Variants in AKAP6 observed in about 807,000 individuals in gnomAD.
AKAP6 encodes the protein A-kinase anchor protein 6.
Under a neutral mutation model 188.5 loss-of-function variants are expected in AKAP6, and 58 were observed. The observed-to-expected ratio is 0.31, with a 90% CI of 0.25 to 0.38. The LOEUF (loss-of-function observed/expected upper bound fraction) is 0.38. Among genes scored for constraint, AKAP6 ranks in the 10% least tolerant of loss-of-function variants. The pLI is 1.00. For missense variants in AKAP6, 2,710 were observed against 2,740.0 expected, an observed-to-expected ratio of 0.99 and a Z score of 0.24; for synonymous variants, 989 against 998.6, an observed-to-expected ratio of 0.99 and a Z score of 0.18.
At chr14:32,651,206 C>T (rs900375161) in intron 7 of AKAP6, among the ~76,000 whole-genome samples, 1 of 152,120 alleles carries the variant, frequency 6.6e-6, no homozygotes, top group African/African-American at 2.4e-5. Context: ...ATAAACTATG[C>T]AACGTCTGCC....
At chr14:32,476,344 G>A (rs1240322430) in intron 2 of AKAP6, among the ~76,000 whole-genome samples, 1 of 152,142 alleles carries the variant, frequency 6.6e-6, no homozygotes, top group African/African-American at 2.4e-5. Flanking sequence ...CTTCCTTACT[G>A]AGTTGAGAGG....
chr14:32,804,873 C>G (rs1348240819), intron 12 of AKAP6, among the ~76,000 whole-genome samples: 1 of 152,120 alleles, frequency 6.6e-6, no homozygotes, highest in African/African-American at 2.4e-5. Context: ...GATATCTTCC[C>G]TACTTGCACG....
At chr14:32,453,761 T>A (rs1302572387) in intron 2 of AKAP6, among the ~76,000 whole-genome samples, 9 of 149,492 alleles carry the variant, frequency 6.0e-5, no homozygotes, top group Non-Finnish European at 1.5e-5. Flanking sequence ...TGCGCCCGGC[T>A]AATTTTTTTG....
rs1473562656 is a variant in AKAP6 at position 32,546,113 on chromosome 14, A to C, written c.1460A>C (p.Asp487Ala). The C allele has an allele frequency of 1.2e-6, 2 of 1,614,012 alleles. No homozygotes were observed. Among genetic ancestry groups the C allele is most frequent in the African/African-American group, 2.7e-5 (2 of 74,916 alleles). The change falls in exon 4 of 14, where the codon GAC becomes GCC. Residue 487 changes from aspartate to alanine, a missense_variant. Asp to Ala is a moderately radical substitution (Grantham distance 126). Around this residue, in one of 2 missense-constraint regions of AKAP6, gnomAD observed 2,473 missense variants for 2,426.1 expected, o/e 1.02. Transcript: ENST00000280979. ...EISSSLGRLN[D>A]CYKEKSRLKK... ...TCTTCCAGCCTGGGAAGGCTTAACG[A>C]CTGCTATAAAGAGAAATCTCGACTT...
chr14:32,441,420 A>G (rs1324281253), intron 2 of AKAP6, among the ~76,000 whole-genome samples: 1 of 152,194 alleles, frequency 6.6e-6, no homozygotes, highest in East Asian at 1.9e-4. Flanking sequence ...ATTATGTGGG[A>G]AAAAGTCTAT....
At chr14:32,766,368 A>C (rs1021173797) in intron 11 of AKAP6, among the ~76,000 whole-genome samples, 10 of 152,234 alleles carry the variant, frequency 6.6e-5, no homozygotes, top group Non-Finnish European at 1.3e-4. Context: ...TCTTGGGTAT[A>C]TATTCAAAAG....
chr14:32,348,467 T>C (rs1594526248), intron 1 of AKAP6, among the ~76,000 whole-genome samples: 1 of 145,124 alleles, frequency 6.9e-6, no homozygotes, highest in Admixed American at 7.2e-5. Flanking sequence ...CAGGCTAAAG[T>C]GCAATGACAC....
intron 11 of AKAP6, among the ~76,000 whole-genome samples, chr14:32,771,267 C>T (rs1331264148): frequency 2.7e-5 from 4 of 149,190 alleles, no homozygotes; most frequent in East Asian, 2.0e-4. Context: ...TTAAAAGTAG[C>T]ATTATTTCCC....
At chr14:32,800,512 G>C (rs945497273) in intron 12 of AKAP6, among the ~76,000 whole-genome samples, 1 of 152,024 alleles carries the variant, frequency 6.6e-6, no homozygotes, top group African/African-American at 2.4e-5. Context: ...ATTGCTTTGT[G>C]CATACATGTT....
intron 7 of AKAP6, 90 bp downstream of exon 7, chr14:32,600,882 T>A: frequency 7.9e-7 from 1 of 1,260,896 alleles, no homozygotes. Context: ...ACCCTAAGGC[T>A]TTTTGTTTCT....
Position 32,467,728 on chromosome 14 carries a change from A to T in AKAP6, c.324+33911A>T, listed in dbSNP as rs116584540. ...CCCTGTCCTCTGATCTTCAGTGTGG[A>T]AGAGGTCAGAATCCCAAGAAGTTGG... On this transcript the variant is annotated intron_variant, in intron 2 of 13. Coordinates refer to ENST00000280979, the MANE Select transcript of AKAP6 (RefSeq NM_004274.5). Among the ~76,000 whole-genome samples, 416 of 152,116 alleles carry T rather than the reference A, an allele frequency of 2.7e-3. 5 individuals are homozygous for T. The highest frequency in any genetic ancestry group is 9.1e-3 in the African/African-American group (376 of 41,496).
chr14:32,363,418 T>C (rs1379199444), intron 1 of AKAP6, among the ~76,000 whole-genome samples: 2 of 152,204 alleles, frequency 1.3e-5, no homozygotes, highest in East Asian at 1.9e-4. Flanking sequence ...CACAATAGGC[T>C]GTCTGCAAGC....
At position 32,583,437 on chromosome 14, in the gene AKAP6, G is replaced by A. The variant is rs578246518; in HGVS notation, c.2469+6195G>A. On this transcript the variant is annotated intron_variant, in intron 5 of 13. Coordinates refer to ENST00000280979, the MANE Select transcript of AKAP6 (RefSeq NM_004274.5). Reference sequence around the variant, plus strand: ...TCCCAGTTAGGCTGCTCGGGGGTCAGGGGTCAGGGACCCATTTGAGGAGGC... The same window carrying A: ...TCCCAGTTAGGCTGCTCGGGGGTCAAGGGTCAGGGACCCATTTGAGGAGGC... Among the ~76,000 whole-genome samples, 580 of 152,334 alleles carry A rather than the reference G, an allele frequency of 3.8e-3. 5 individuals are homozygous for A. Among genetic ancestry groups the A allele is most frequent in the African/African-American group, 0.013 (555 of 41,576 alleles).
At position 32,773,849 on chromosome 14, in the gene AKAP6, G is replaced by C; in HGVS notation, c.3544G>C (p.Val1182Leu). ...RRWEAIVMQA[V>L]QWQTRLQKKM... ...GTGGGAAGCCATTGTCATGCAAGCC[G>C]TCCAGTGGCAAACACGTCTACAAAA... Residue 1182 changes from valine (V) to leucine (L), a missense_variant, in exon 12 of 14, where the codon GTC becomes CTC. By Grantham distance (32) the Val-to-Leu change is conservative (BLOSUM62 1). Coordinates refer to ENST00000280979, the MANE Select transcript of AKAP6 (RefSeq NM_004274.5). The C allele has an allele frequency of 6.2e-7, 1 of 1,614,086 alleles. No homozygotes were observed. The highest frequency in any genetic ancestry group is 8.5e-7 in the Non-Finnish European group (1 of 1,179,984).
chr14:32,600,366 A>G (rs2098107361), intron 6 of AKAP6, among the ~76,000 whole-genome samples: 1 of 152,038 alleles, frequency 6.6e-6, no homozygotes, highest in South Asian at 2.1e-4. Flanking sequence ...TTCCTCATGT[A>G]TTTTTTTAAG....
chr14:32,604,333 C>T (rs1315217600), intron 7 of AKAP6, among the ~76,000 whole-genome samples: 2 of 152,076 alleles, frequency 1.3e-5, no homozygotes, highest in African/African-American at 4.8e-5. Flanking sequence ...CCAGCAAAAC[C>T]CCAGGCCTCT....
Position 32,735,865 on chromosome 14 carries a change from C to A in AKAP6, c.3355C>A (p.Gln1119Lys). The change falls in exon 11 of 14, where the codon CAA (glutamine) becomes AAA (lysine). Residue 1119 changes from glutamine to lysine, a missense_variant. Gln to Lys is a moderately conservative substitution (Grantham distance 53). Around this residue, in one of 2 missense-constraint regions of AKAP6, gnomAD observed 2,473 missense variants for 2,426.1 expected, o/e 1.02. Coordinates refer to ENST00000280979, the MANE Select transcript of AKAP6 (RefSeq NM_004274.5). ...EKEGTMNTEKQLQYFKSLCRE... is the reference protein window; with the variant it reads ...EKEGTMNTEKKLQYFKSLCRE... ...GGAAGGAACAATGAATACTGAGAAACAACTGCAATACTTTAAGGTAATAAA... is the reference window on the plus strand; with the variant it reads ...GGAAGGAACAATGAATACTGAGAAAAAACTGCAATACTTTAAGGTAATAAA... The A allele has an allele frequency of 6.2e-7, 1 of 1,607,518 alleles. No individual in the cohort carries two copies. Among genetic ancestry groups the A allele is most frequent in the Non-Finnish European group, 8.5e-7 (1 of 1,177,222 alleles).
chr14:32,461,666 C>T lies in AKAP6; in HGVS notation c.324+27849C>T, dbSNP rs191042454. On this transcript the variant is annotated intron_variant, in intron 2 of 13. Transcript: ENST00000280979. ...CTGAAAATTCCAAAAACCAGAATGC[C>T]TCTTCTCCTCCAAATGATTGCAACT... 4.6e-5 allele frequency among the ~76,000 whole-genome samples: 7 copies of T among 152,010 alleles called. No homozygotes were observed. The East Asian group carries it at 1.4e-3, about 30-fold the overall frequency.
At chr14:32,413,185 T>TC (rs1283697369) in intron 1 of AKAP6, among the ~76,000 whole-genome samples, 39 of 140,792 alleles carry the variant, frequency 2.8e-4, no homozygotes, top group African/African-American at 9.8e-4. Context: ...ATTTTTTTTT[T>TC]TTTTTTTTTT....
Sources: gnomAD v4.1 joint callset for allele counts (sites outside exome capture counted in the v4.1 genomes callset) on GRCh38, gnomAD v4.1.1 for gene constraint, gnomAD v4.1.1 regional missense constraint, MANE v1.5 for transcripts, NCBI Gene and HGNC (gene_info 2026-07-23, HGNC 2026-07-21) for gene names.